The following RAI14 variants were observed in gnomAD, a reference collection of about 807,000 sequenced individuals.
RAI14 encodes retinoic acid induced 14.
Under a neutral mutation model 115.4 loss-of-function variants are expected in RAI14, and 45 were observed. The observed-to-expected ratio is 0.39, with a 90% confidence interval of 0.31 to 0.50. The LOEUF (loss-of-function observed/expected upper bound fraction) is 0.50. Among genes scored for constraint, RAI14 ranks in the 20% least tolerant of loss-of-function variants. The pLI, the probability that RAI14 is intolerant of heterozygous loss-of-function variation, is 0.85. For missense variants in RAI14, 939 were observed against 1,131.2 expected, an observed-to-expected ratio of 0.83 and a Z score of 2.44; for synonymous variants, 371 against 415.4, an observed-to-expected ratio of 0.89 and a Z score of 1.30.
At chr5:34,809,712 G>A (rs977960448) in intron 7 of RAI14, among the ~76,000 whole-genome samples, 1 of 150,944 alleles carries the variant, frequency 6.6e-6, no homozygotes, top group Non-Finnish European at 1.5e-5. Flanking sequence ...TTATTTCTAC[G>A]GCTATACATG....
At chr5:34,765,725 C>T (rs1749259464) in intron 3 of RAI14, among the ~76,000 whole-genome samples, 1 of 152,188 alleles carries the variant, frequency 6.6e-6, no homozygotes, top group Non-Finnish European at 1.5e-5. Context: ...CTCAAGCCAG[C>T]TGCAGAAATT....
chr5:34,828,422 C>CAGATCAGAAAGGAAGA (rs1561098095), intron 16 of RAI14, among the ~76,000 whole-genome samples: 1 of 152,034 alleles, frequency 6.6e-6, no homozygotes, highest in African/African-American at 2.4e-5. Flanking sequence ...AGAAAGGAAG[C>CAGATCAGAAAGGAAGA]CAGATCAGAA....
chr5:34,802,395 T>C (rs1292276135), intron 4 of RAI14, among the ~76,000 whole-genome samples: 11 of 152,138 alleles, frequency 7.2e-5, no homozygotes, highest in Non-Finnish European at 1.5e-5. Flanking sequence ...TCCTAAAGTA[T>C]GGGAGTTATC....
chr5:34,661,421 A>G (rs1742679992), intron 1 of RAI14, among the ~76,000 whole-genome samples: 16 of 152,052 alleles, frequency 1.1e-4, no homozygotes, highest in Admixed American at 1.0e-3. Context: ...GAACAAATGG[A>G]TATGCTTTTT....
chr5:34,659,846 G>C (rs1009823041), intron 1 of RAI14, among the ~76,000 whole-genome samples: 2 of 152,140 alleles, frequency 1.3e-5, no homozygotes, highest in African/African-American at 4.8e-5. Context: ...TACATAGTTG[G>C]CTGGATTATT....
intron 2 of RAI14, among the ~76,000 whole-genome samples, chr5:34,752,729 G>GTATATATATA (rs1561312083): frequency 2.2e-5 from 2 of 90,914 alleles, no homozygotes; most frequent in African/African-American, 4.5e-5. Flanking sequence ...GTGTGTGTGT[G>GTATATATATA]TGTGTGTGTG....
chr5:34,811,598 C>CAAAA (rs1755592686), intron 8 of RAI14, among the ~76,000 whole-genome samples, 169 bp from the exon 9 acceptor site: 1 of 134,468 alleles, frequency 7.4e-6, no homozygotes. Flanking sequence ...AAAAAAAAAC[C>CAAAA]ACCTAATTTC....
At chr5:34,725,373 A>G (rs1260053542) in intron 2 of RAI14, among the ~76,000 whole-genome samples, 2 of 152,126 alleles carry the variant, frequency 1.3e-5, no homozygotes, top group African/African-American at 2.4e-5. Flanking sequence ...TTTTCATTCT[A>G]TCTTTGAAGG....
intron 3 of RAI14, among the ~76,000 whole-genome samples, chr5:34,760,114 T>G (rs1748428335): frequency 7.2e-6 from 1 of 139,238 alleles, no homozygotes. Flanking sequence ...AGTGGCGTGA[T>G]CTTGGCTCAC....
chr5:34,660,137 C>G (rs1742580725), intron 1 of RAI14, among the ~76,000 whole-genome samples: 1 of 152,100 alleles, frequency 6.6e-6, no homozygotes, highest in Non-Finnish European at 1.5e-5. Flanking sequence ...GATTACACCA[C>G]TGCATTGCAG....
intron 3 of RAI14, among the ~76,000 whole-genome samples, chr5:34,766,979 C>T (rs547172409): frequency 4.6e-5 from 7 of 152,164 alleles, no homozygotes; most frequent in South Asian, 2.1e-4. Context: ...TTTGCATCTT[C>T]GTCATTTTTC....
In RAI14 at chr5:34,808,621, C is replaced by CGAA; in HGVS notation, c.418_420dup (p.Glu140dup). Reference sequence around the variant, plus strand: ...GCCTTCAAGCTGTGCAGATTCTCTGCGAACACAAGAGCCCCATAAACCTCA... The same window carrying CGAA: ...GCCTTCAAGCTGTGCAGATTCTCTGCGAAGAACACAAGAGCCCCATAAACCTCA... On this transcript the variant is annotated inframe_insertion, in exon 7 of 18. Transcript: ENST00000265109. 1 of 1,614,160 alleles carries CGAA rather than the reference C, an allele frequency of 6.2e-7. No individual in the cohort carries two copies. Among genetic ancestry groups the CGAA allele is most frequent in the Non-Finnish European group, 8.5e-7 (1 of 1,180,022 alleles).
chr5:34,797,954 G>A (rs1753731723), intron 4 of RAI14, among the ~76,000 whole-genome samples: 1 of 152,194 alleles, frequency 6.6e-6, no homozygotes. Context: ...AGACAGGACT[G>A]TAGTTATTTT....
At chr5:34,707,153 G>C (rs1365917325) in intron 2 of RAI14, among the ~76,000 whole-genome samples, 1 of 152,162 alleles carries the variant, frequency 6.6e-6, no homozygotes, top group East Asian at 1.9e-4. Context: ...TAGCCTCCCT[G>C]GGTTTCCACA....
chr5:34,681,856 C>CTTTCTT lies in RAI14; in HGVS notation c.-48-5013_-48-5012insCTTTTT, dbSNP rs58823040. On this transcript the variant is annotated intron_variant, in intron 1 of 17. Transcript: ENST00000265109. ...TTCTAACCTGGAATTTTCTTTCTTT[C>CTTTCTT]TTTTTTTTTTTTTTTTGAGATGGAG... Among the ~76,000 whole-genome samples the CTTTCTT allele has an allele frequency of 5.0e-3, 615 of 122,114 alleles. 7 individuals carry two copies. Among genetic ancestry groups the CTTTCTT allele is most frequent in the African/African-American group, 1.0e-2 (315 of 31,566 alleles). The allele number at this position is 122,114 out of a possible 152,430, so 80.1% of individuals were successfully genotyped here.
intron 2 of RAI14, among the ~76,000 whole-genome samples, chr5:34,722,922 G>A (rs536007586): frequency 1.3e-5 from 2 of 151,410 alleles, no homozygotes; most frequent in South Asian, 2.1e-4. Flanking sequence ...ATACAAAAAT[G>A]TATAAATAAA....
At chr5:34,757,205 G>A (rs1748003110) in intron 2 of RAI14, 1 of 508,262 alleles carries the variant, frequency 2.0e-6, no homozygotes, top group Non-Finnish European at 3.8e-6. Flanking sequence ...CATATTCCTA[G>A]TGTTAGTTAA....
chr5:34,786,265 C>T (rs1752285172), intron 3 of RAI14, among the ~76,000 whole-genome samples: 1 of 152,154 alleles, frequency 6.6e-6, no homozygotes, highest in South Asian at 2.1e-4. Flanking sequence ...TCTAAATCAC[C>T]CTCTTGTCTA....
intron 4 of RAI14, among the ~76,000 whole-genome samples, chr5:34,799,297 G>C (rs1753903600): frequency 1.3e-5 from 2 of 152,076 alleles, no homozygotes; most frequent in South Asian, 4.2e-4. Context: ...CGTTTGTTGT[G>C]GTGGTTAGGG....
Sources: gnomAD v4.1 joint callset for allele counts (sites outside exome capture counted in the v4.1 genomes callset) on GRCh38, gnomAD v4.1.1 for gene constraint, MANE v1.5 for transcripts, NCBI Gene and HGNC (gene_info 2026-07-23, HGNC 2026-07-21) for gene names.